Variants in PTGR1 observed in about 807,000 individuals in gnomAD.
The protein encoded by PTGR1 is 15-oxoprostaglandin 13-reductase.
A neutral mutation model predicts 37.7 loss-of-function variants in PTGR1; 23 were observed. The observed-to-expected ratio is 0.61, with a 90% confidence interval of 0.44 to 0.86. The LOEUF is 0.86. PTGR1 is among the 40% of genes least tolerant of loss of function. The pLI, the probability that PTGR1 is intolerant of heterozygous loss-of-function variation, is 0.00. For synonymous variants in PTGR1, 134 were observed against 140.0 expected, an observed-to-expected ratio of 0.96 and a Z score of 0.30; for missense variants, 351 against 394.3, an observed-to-expected ratio of 0.89 and a Z score of 0.93.
chr9:111,587,006 G>A (rs879367668), intron 4 of PTGR1, among the ~76,000 whole-genome samples: 4 of 151,882 alleles, frequency 2.6e-5, no homozygotes, highest in African/African-American at 9.7e-5. Context: ...GTAGGGACAG[G>A]GTTTCACCAT....
intron 4 of PTGR1, among the ~76,000 whole-genome samples, chr9:111,588,081 A>C (rs1330649684): frequency 4.0e-5 from 6 of 148,828 alleles, no homozygotes; most frequent in Non-Finnish European, 4.4e-5. Flanking sequence ...TGGTGCGATC[A>C]TGGCTCACTG....
At chr9:111,578,313 A>G (rs1829148677) in intron 7 of PTGR1, among the ~76,000 whole-genome samples, 1 of 147,040 alleles carries the variant, frequency 6.8e-6, no homozygotes, top group South Asian at 2.1e-4. Flanking sequence ...TTTATTGTGC[A>G]CTTTATTTCT....
rs1185065961 is a variant in PTGR1, at chr9:111,578,932, G to A, written c.515C>T (p.Ala172Val). ...GGCAACCTTTTCATCAGACCCTACT[G>A]CTCCAACAACTTTGCAGCCCTAAGT... ...AKLKGCKVVG[A>V]VGSDEKVAYL... The change falls in exon 7 of 10, where the codon GCA (alanine) becomes GTA (valine). Residue 172 changes from alanine to valine, a missense_variant. Physicochemically the swap from Ala to Val is moderately conservative, Grantham distance 64. Coordinates refer to ENST00000407693, the MANE Select transcript of PTGR1 (RefSeq NM_001146108.2). The A allele has an allele frequency of 6.3e-7, 1 of 1,595,838 alleles. No homozygotes were observed. Among genetic ancestry groups the A allele is most frequent in the South Asian group, 1.1e-5 (1 of 88,612 alleles).
chr9:111,593,950 T>TC (rs1327904075), intron 3 of PTGR1, among the ~76,000 whole-genome samples: 1 of 150,636 alleles, frequency 6.6e-6, no homozygotes, highest in Non-Finnish European at 1.5e-5. Context: ...TTTTTTTTTT[T>TC]CTGGAAGTAA....
chr9:111,568,656 T>C (rs1366181297), intron 9 of PTGR1, among the ~76,000 whole-genome samples: 3 of 152,368 alleles, frequency 2.0e-5, no homozygotes, highest in African/African-American at 7.2e-5. Context: ...AAAAACTTGC[T>C]GGTTTTGTGG....
rs58638722 is a variant in PTGR1 at position 111,551,400 on chromosome 9, G to GTTTTTTTT, written c.880-1609_880-1602dup. Among the ~76,000 whole-genome samples the GTTTTTTTT allele has an allele frequency of 7.3e-4, 54 of 74,436 alleles. 1 individual carries two copies. Among genetic ancestry groups the GTTTTTTTT allele is most frequent in the Non-Finnish European group, 9.0e-4 (36 of 39,922 alleles). The allele number at this position is 74,436 out of a possible 152,430, so 48.8% of individuals were successfully genotyped here. A position where few individuals can be genotyped will look rare whatever the true frequency, so the allele number is the denominator to read the frequency against. On this transcript the variant is annotated intron_variant, in intron 9 of 9. Transcript: ENST00000538962. Reference sequence around the variant, plus strand: ...TAACTGAATCAAGTATCCAGTTTTTGTTTTTTTTTTTTTTTTTTTTTTTTT... The same window carrying GTTTTTTTT: ...TAACTGAATCAAGTATCCAGTTTTTGTTTTTTTTTTTTTTTTTTTTTTTTTTTTTTTTT...
intron 8 of PTGR1, among the ~76,000 whole-genome samples, chr9:111,573,843 C>T (rs1322258): frequency 0.73 from 111,559 of 151,956 alleles, 41,824 homozygotes; most frequent in African/African-American, 0.86. Context: ...GAGTGTGGAG[C>T]GGGAGGGATG....
downstream of PTGR1, among the ~76,000 whole-genome samples, chr9:111,560,867 C>T (rs1230414773): frequency 4.2e-5 from 6 of 141,342 alleles, no homozygotes; most frequent in South Asian, 2.2e-4. Context: ...CGCTTGAAGC[C>T]GGGTGGCAGA....
At chr9:111,592,788 C>A in intron 4 of PTGR1, 138 bp downstream of exon 4, 3 of 1,200,128 alleles carry the variant, frequency 2.5e-6, no homozygotes, top group South Asian at 4.6e-5. Flanking sequence ...CAGAATTTCC[C>A]AAGTTGATTC....
chr9:111,567,650 C>T (rs1828623081), intron 9 of PTGR1, among the ~76,000 whole-genome samples: 1 of 152,160 alleles, frequency 6.6e-6, no homozygotes, highest in African/African-American at 2.4e-5. Context: ...AATATTAGCA[C>T]TTTGGTTTAC....
Position 111,578,957 on chromosome 9 carries a change from TAGA to T in PTGR1, c.496-9_496-7del. ...GCTCCAACAACTTTGCAGCCCTAAG[TAGA>T]AAAAAAAAAAAAAAGGAAACCATGA... On this transcript the variant is annotated splice_polypyrimidine_tract_variant and splice_region_variant and intron_variant, in intron 6 of 9. Transcript: ENST00000407693. 1 of 1,455,492 alleles carries T rather than the reference TAGA, an allele frequency of 6.9e-7. No individual in the cohort carries two copies. Among genetic ancestry groups the T allele is most frequent in the Non-Finnish European group, 9.0e-7 (1 of 1,110,832 alleles). 90.2% of individuals were successfully genotyped at this position (1,455,492 alleles called of 1,614,324 possible). A position where few individuals can be genotyped will look rare whatever the true frequency, so the allele number is the denominator to read the frequency against.
At chr9:111,549,804 CA>C in intron 9 of PTGR1, 1 of 1,502,138 alleles carries the variant, frequency 6.7e-7, no homozygotes. Flanking sequence ...TTTGATCTGT[CA>C]ACACAATCAG....
Position 111,586,068 on chromosome 9 carries a change from C to T in PTGR1, c.307G>A (p.Glu103Lys). 1 of 1,614,216 alleles carries T rather than the reference C, an allele frequency of 6.2e-7. No homozygotes were observed. The highest frequency in any genetic ancestry group is 8.5e-7 in the Non-Finnish European group (1 of 1,180,050). Residue 103 changes from glutamate (E) to lysine (K), a missense_variant, in exon 5 of 10, where the codon GAA becomes AAA. Physicochemically the swap from Glu to Lys is moderately conservative, Grantham distance 56. Transcript: ENST00000407693. ...THSISDGKDL[E>K]KLLTEWPDTI... Reference sequence around the variant, plus strand: ...TCTGGCCACTCTGTCAGCAGCTTTTCCAGATCTTTCCCATCAGAAATGGAG... The same window carrying T: ...TCTGGCCACTCTGTCAGCAGCTTTTTCAGATCTTTCCCATCAGAAATGGAG...
At chr9:111,552,951 A>C (rs948246765) in intron 9 of PTGR1, among the ~76,000 whole-genome samples, 2 of 152,144 alleles carry the variant, frequency 1.3e-5, no homozygotes, top group Non-Finnish European at 2.9e-5. Flanking sequence ...TAATTTCTTC[A>C]TCTCTCCATC....
intron 1 of PTGR1, among the ~76,000 whole-genome samples, chr9:111,598,384 C>A (rs1018170594): frequency 3.3e-5 from 5 of 152,222 alleles, no homozygotes; most frequent in African/African-American, 1.2e-4. Flanking sequence ...GCTCCCCTAC[C>A]GGTGCCGCGG....
chr9:111,587,219 C>T (rs1829460892), intron 4 of PTGR1, among the ~76,000 whole-genome samples: 1 of 152,188 alleles, frequency 6.6e-6, no homozygotes, highest in East Asian at 1.9e-4. Flanking sequence ...CTAAGCTGCA[C>T]CCTTTCTGTC....
At chr9:111,577,154 C>T (rs1448982487) in intron 7 of PTGR1, 1 of 151,744 alleles carries the variant, frequency 6.6e-6, no homozygotes, top group East Asian at 1.9e-4. Flanking sequence ...AGATTTTGAA[C>T]AGATATTTCT....
chr9:111,563,232 C>A lies in PTGR1; in HGVS notation c.880-1G>T. The A allele has an allele frequency of 6.2e-7, 1 of 1,610,794 alleles. No homozygotes were observed. Among genetic ancestry groups the A allele is most frequent in the South Asian group, 1.1e-5 (1 of 90,456 alleles). On this transcript the variant is annotated splice_acceptor_variant, in intron 9 of 9. Coordinates refer to ENST00000407693, the MANE Select transcript of PTGR1 (RefSeq NM_001146108.2). LOFTEE classifies it high-confidence loss of function. ...TATATTCCTTGTACTGGATTTTACCCTGTATCAAAGCAACAACAAATTTTA... is the reference window on the plus strand; with the variant it reads ...TATATTCCTTGTACTGGATTTTACCATGTATCAAAGCAACAACAAATTTTA...
chr9:111,550,530 A>G (rs1240719344), intron 9 of PTGR1, among the ~76,000 whole-genome samples: 1 of 152,286 alleles, frequency 6.6e-6, no homozygotes, highest in East Asian at 1.9e-4. Flanking sequence ...ACTGCAATTT[A>G]CCACTCAGAA....
Sources: allele counts gnomAD v4.1 joint callset (sites outside exome capture counted in the v4.1 genomes callset), GRCh38; gene constraint gnomAD v4.1.1; transcripts MANE v1.5; gene names NCBI Gene and HGNC (gene_info 2026-07-23, HGNC 2026-07-21).